Variants in MFAP3L observed in about 807,000 individuals in gnomAD.
The protein encoded by MFAP3L is microfibril associated protein 3 like, also known as microfibrillar-associated protein 3-like.
A neutral mutation model predicts 20.0 loss-of-function variants in MFAP3L; 5 were observed. That is an observed-to-expected ratio of 0.25 (90% CI 0.13 to 0.53). The LOEUF (loss-of-function observed/expected upper bound fraction) is 0.53. Among genes scored for constraint, MFAP3L ranks in the 20% least tolerant of loss-of-function variants. The pLI, the probability that MFAP3L is intolerant of heterozygous loss-of-function variation, is 0.96. For missense variants in MFAP3L, 409 were observed against 527.5 expected (o/e 0.78, Z 2.20); for synonymous variants, 219 against 213.0 (o/e 1.03, Z -0.25).
intron 2 of MFAP3L, chr4:170,003,838 G>A: frequency 1.0e-6 from 1 of 985,492 alleles, no homozygotes; most frequent in Non-Finnish European, 1.2e-6. Context: ...CCATTCACAA[G>A]TGTGACATCA....
intron 2 of MFAP3L, among the ~76,000 whole-genome samples, chr4:169,998,534 A>G (rs1411408038): frequency 6.6e-6 from 1 of 152,214 alleles, no homozygotes. Flanking sequence ...AAATCTTTCC[A>G]GGTTTACCTT....
intron 2 of MFAP3L, chr4:169,997,695 G>C: frequency 2.0e-6 from 2 of 985,156 alleles, no homozygotes; most frequent in Non-Finnish European, 2.4e-6. Context: ...TGCCTGGCTG[G>C]GTAGGTATAA....
chr4:170,004,540 C>G (rs976728873), intron 2 of MFAP3L, among the ~76,000 whole-genome samples: 8 of 152,150 alleles, frequency 5.3e-5, no homozygotes, highest in Admixed American at 5.2e-4. Context: ...CTCAACCATT[C>G]GGAACACAGC....
In MFAP3L at chr4:169,992,235, A is replaced by G; in HGVS notation, c.373T>C (p.Cys125Arg). ...VSFSDRGKYT[C>R]VASNIYGTVN... ...GTGCCGTAGATGTTAGAAGCCACACACGTGTATTTACCTCGGTCTGAGAAG... is the reference window on the plus strand; with the variant it reads ...GTGCCGTAGATGTTAGAAGCCACACGCGTGTATTTACCTCGGTCTGAGAAG... The change falls in exon 3 of 3, where the codon TGT becomes CGT. Residue 125 changes from cysteine (C) to arginine (R), a missense_variant. Around this residue, in one of 3 missense-constraint regions of MFAP3L, gnomAD observed 127 missense variants for 218.1 expected, o/e 0.58. Coordinates refer to ENST00000361618, the MANE Select transcript of MFAP3L (RefSeq NM_021647.8). This position sits in a 1 kb window ranked among gnomAD's most constrained non-coding sequence, Gnocchi z 4.3. The G allele has an allele frequency of 6.2e-7, 1 of 1,614,034 alleles. No homozygotes were observed.
intron 1 of MFAP3L, 76 bp from the exon 2 acceptor site, chr4:170,006,086 A>G (rs1337497215): frequency 8.7e-7 from 1 of 1,151,396 alleles, no homozygotes; most frequent in East Asian, 2.8e-5. Flanking sequence ...AACGGTTAGC[A>G]ATGCAGCTAA....
At chr4:169,996,444 G>C (rs1363883514) in intron 2 of MFAP3L, among the ~76,000 whole-genome samples, 1 of 152,140 alleles carries the variant, frequency 6.6e-6, no homozygotes, top group Non-Finnish European at 1.5e-5. Flanking sequence ...CCAGTTCCAA[G>C]AGAAAAACAG....
chr4:170,005,497 G>A (rs1738969627), intron 2 of MFAP3L, 83 bp downstream of exon 2: 1 of 1,388,012 alleles, frequency 7.2e-7, no homozygotes, highest in Non-Finnish European at 9.9e-7. Flanking sequence ...TCATTTGCAT[G>A]AGAAGAACTA....
intron 1 of MFAP3L, chr4:170,006,943 C>T (rs1333205228): frequency 6.6e-6 from 1 of 152,262 alleles, no homozygotes; most frequent in Non-Finnish European, 1.5e-5. Flanking sequence ...CATCTGCCTC[C>T]CACAGGCTGG....
intron 1 of MFAP3L, chr4:170,006,787 C>T (rs1739063438): frequency 6.6e-6 from 1 of 152,258 alleles, no homozygotes; most frequent in Admixed American, 6.5e-5. Flanking sequence ...ATTCTCCTAA[C>T]TACCCATTAT....
At chr4:170,017,861 T>C (rs1739795408) in intron 1 of MFAP3L, among the ~76,000 whole-genome samples, 1 of 152,164 alleles carries the variant, frequency 6.6e-6, no homozygotes, top group Non-Finnish European at 1.5e-5. Context: ...AAAGGGGCCC[T>C]GTTAGGCTGA....
chr4:170,000,435 G>A (rs1415918396), intron 2 of MFAP3L, among the ~76,000 whole-genome samples: 1 of 152,036 alleles, frequency 6.6e-6, no homozygotes, highest in East Asian at 1.9e-4. Flanking sequence ...ACCTATTATT[G>A]TGAGGATATA....
In MFAP3L at chr4:169,992,345, C is replaced by T. The variant is rs921049632; in HGVS notation, c.299-36G>A. 1 of 1,529,990 alleles carries T rather than the reference C, an allele frequency of 6.5e-7. No individual in the cohort carries two copies. Among genetic ancestry groups the T allele is most frequent in the Non-Finnish European group, 8.9e-7 (1 of 1,120,292 alleles). The allele number at this position is 1,529,990 out of a possible 1,614,324, so 94.8% of individuals were successfully genotyped here. ...GGAGAGAAGAGAATTCAACCAAGGA[C>T]ACAGAGCTCCCATGACTACAAACTG... On this transcript the variant is annotated intron_variant, in intron 2 of 2. Coordinates refer to ENST00000361618, the MANE Select transcript of MFAP3L (RefSeq NM_021647.8). This position sits in a 1 kb window ranked among gnomAD's most constrained non-coding sequence, Gnocchi z 4.3.
intron 1 of MFAP3L, 42 bp from the exon 2 acceptor site, chr4:170,006,052 C>T: frequency 3.0e-6 from 4 of 1,342,600 alleles, no homozygotes; most frequent in Non-Finnish European, 2.9e-6. Flanking sequence ...TAAACATTAG[C>T]ATTCATCCAT....
chr4:170,025,742 G>A (rs1213419600), intron 1 of MFAP3L, among the ~76,000 whole-genome samples: 5 of 151,930 alleles, frequency 3.3e-5, no homozygotes, highest in Middle Eastern at 3.4e-3. Flanking sequence ...ACAGCCGCCC[G>A]CACTCCTGCG....
At chr4:170,016,311 G>A (rs948607018) in intron 1 of MFAP3L, among the ~76,000 whole-genome samples, 23 of 152,136 alleles carry the variant, frequency 1.5e-4, no homozygotes, top group African/African-American at 5.1e-4. Context: ...ACCTCACTAC[G>A]CTCGCTCAAT....
chr4:170,001,579 T>C (rs1002469545), intron 2 of MFAP3L, among the ~76,000 whole-genome samples: 7 of 152,218 alleles, frequency 4.6e-5, no homozygotes, highest in Non-Finnish European at 7.3e-5. Flanking sequence ...TTAATGTAAA[T>C]GGTTTAAAGT....
intron 1 of MFAP3L, among the ~76,000 whole-genome samples, chr4:170,017,500 G>C (rs937471121): frequency 1.3e-5 from 2 of 152,080 alleles, no homozygotes; most frequent in Admixed American, 6.5e-5. Flanking sequence ...AAGAATCTGG[G>C]GCCAAGCCAC....
intron 1 of MFAP3L, among the ~76,000 whole-genome samples, chr4:170,019,557 A>G (rs981975364): frequency 4.6e-5 from 7 of 152,184 alleles, no homozygotes; most frequent in South Asian, 2.1e-4. Context: ...ACACACACAT[A>G]TGAAAGGTAG....
chr4:170,018,796 C>CA (rs1201365435), intron 1 of MFAP3L, among the ~76,000 whole-genome samples: 8 of 152,192 alleles, frequency 5.3e-5, no homozygotes, highest in Non-Finnish European at 7.4e-5. Flanking sequence ...ACAACAACAA[C>CA]AAAAAAACAC....
Sources: gnomAD v4.1 joint callset for allele counts (sites outside exome capture counted in the v4.1 genomes callset) on GRCh38, gnomAD v4.1.1 for gene constraint, gnomAD v4.1.1 regional missense constraint, Gnocchi (gnomAD v3.1) non-coding constraint, MANE v1.5 for transcripts, NCBI Gene and HGNC (gene_info 2026-07-23, HGNC 2026-07-21) for gene names.